JARID2: variants seen among roughly 807,000 people sequenced by gnomAD.
JARID2 encodes the protein jumonji and AT-rich interaction domain containing 2, also known as protein Jumonji.
Under a neutral mutation model 125.6 loss-of-function variants are expected in JARID2, and 21 were observed. The observed-to-expected ratio is 0.17, with a 90% CI of 0.12 to 0.24. JARID2 has a LOEUF of 0.24. Ranked by LOEUF, JARID2 falls within the 10% of genes least tolerant of loss-of-function variation. JARID2 has a pLI of 1.00. For synonymous variants in JARID2, 736 were observed against 661.6 expected (o/e 1.11, Z -1.73); for missense variants, 1,303 against 1,639.6 (o/e 0.79, Z 3.55).
At position 15,501,219 on chromosome 6, in the gene JARID2, G is replaced by A. The variant is rs369351310; in HGVS notation, c.2258G>A (p.Arg753His). 20 of 1,613,658 alleles carry A rather than the reference G, an allele frequency of 1.2e-5. No individual in the cohort carries two copies. The highest frequency in any genetic ancestry group is 4.4e-5 in the South Asian group (4 of 91,082). ...NDHHKFHPLPRFEPKNGLIHG... is the reference protein window; with the variant it reads ...NDHHKFHPLPHFEPKNGLIHG... ...CACCACAAGTTCCACCCTCTGCCCC[G>A]CTTCGAGCCCAAGAATGGGCTCATC... is the stretch of plus-strand genomic sequence containing the variant. Residue 753 changes from arginine to histidine, a missense_variant, in exon 8 of 18, where the codon CGC becomes CAC. Physicochemically the swap from Arg to His is conservative, Grantham distance 29 (BLOSUM62 0). Transcript: ENST00000341776.
chr6:15,378,354 A>G (rs111469099), intron 2 of JARID2, among the ~76,000 whole-genome samples: 1 of 152,134 alleles, frequency 6.6e-6, no homozygotes, highest in African/African-American at 2.4e-5. Context: ...AGGAGGTGAC[A>G]TATGCTGTGC....
At chr6:15,518,871 C>T (rs1771691943) in intron 17 of JARID2, among the ~76,000 whole-genome samples, 1 of 152,204 alleles carries the variant, frequency 6.6e-6, no homozygotes, top group African/African-American at 2.4e-5. Context: ...CACAAATCAC[C>T]CATGTCTGGG....
chr6:15,365,029 A>G (rs1763926656), intron 1 of JARID2, among the ~76,000 whole-genome samples: 1 of 152,236 alleles, frequency 6.6e-6, no homozygotes, highest in Non-Finnish European at 1.5e-5. Flanking sequence ...AAAAGGCATT[A>G]GTGATTAAAA....
chr6:15,480,177 C>T (rs777322149), intron 5 of JARID2, among the ~76,000 whole-genome samples: 5 of 152,008 alleles, frequency 3.3e-5, no homozygotes, highest in Admixed American at 6.6e-5. Context: ...TTGCCCCTTT[C>T]GTTTGTTTTG....
intron 5 of JARID2, among the ~76,000 whole-genome samples, chr6:15,473,643 G>A (rs1387585416): frequency 2.0e-5 from 3 of 151,540 alleles, no homozygotes; most frequent in Non-Finnish European, 4.4e-5. Context: ...TATATTTATG[G>A]GTTTTATGTA....
intron 1 of JARID2, among the ~76,000 whole-genome samples, chr6:15,280,425 A>G (rs1476558031): frequency 6.6e-6 from 1 of 152,148 alleles, no homozygotes. Context: ...CTCCTCCTGC[A>G]TTAAAAAAGA....
rs528318219 is a variant in JARID2, at chr6:15,475,758, C to T, written c.670+7040C>T. 1.7e-3 allele frequency among the ~76,000 whole-genome samples: 260 copies of T among 152,328 alleles called. 1 individual carries two copies. Among genetic ancestry groups the T allele is most frequent in the African/African-American group, 6.0e-3 (251 of 41,580 alleles). On this transcript the variant is annotated intron_variant, in intron 5 of 17. Coordinates refer to ENST00000341776, the MANE Select transcript of JARID2 (RefSeq NM_004973.4). ...ATATAGTTAGTTAAGAAGGTGAGAG[C>T]TCAGTCTTCCCTCCTCACACCTCAG...
intron 17 of JARID2, among the ~76,000 whole-genome samples, chr6:15,518,301 C>T (rs3778651): frequency 0.11 from 16,836 of 152,182 alleles, 1,143 homozygotes; most frequent in East Asian, 0.23. Flanking sequence ...TCACCAGCAG[C>T]CTGTTTCTGT....
intron 1 of JARID2, among the ~76,000 whole-genome samples, chr6:15,269,184 G>T (rs1266803148): frequency 6.6e-6 from 1 of 152,124 alleles, no homozygotes; most frequent in African/African-American, 2.4e-5. Flanking sequence ...TCTCCTCCCA[G>T]GCCTCTGTAA....
rs1014501816 is a variant in JARID2 at position 15,516,138 on chromosome 6, G to A, written c.3451-1023G>A. On this transcript the variant is annotated intron_variant, in intron 16 of 17. Coordinates refer to ENST00000341776, the MANE Select transcript of JARID2 (RefSeq NM_004973.4). The stretch of plus-strand genomic sequence containing the variant: ...TCCTGTTCTTCCTGTCCTTGGCCCC[G>A]TGTCTCTCCAAGGTCTTGTTTCTGT... Among the ~76,000 whole-genome samples, 4 of 151,990 alleles carry A rather than the reference G, an allele frequency of 2.6e-5. No individual in the cohort carries two copies. The East Asian group carries it at 5.8e-4, about 22-fold the overall frequency.
At chr6:15,315,561 G>T (rs902162113) in intron 1 of JARID2, among the ~76,000 whole-genome samples, 4 of 152,140 alleles carry the variant, frequency 2.6e-5, no homozygotes, top group African/African-American at 9.7e-5. Context: ...AAGTAGTCAC[G>T]TATCTAGAGT....
intron 3 of JARID2, 123 bp downstream of exon 3, chr6:15,410,488 A>G (rs1476234689): frequency 3.4e-6 from 3 of 883,894 alleles, no homozygotes; most frequent in African/African-American, 1.7e-5. Context: ...TAGAGGAGCC[A>G]GAATCATGAG....
intron 2 of JARID2, 123 bp downstream of exon 2, chr6:15,374,375 A>G (rs1036268223): frequency 2.2e-5 from 21 of 972,412 alleles, no homozygotes; most frequent in Non-Finnish European, 2.9e-5. Flanking sequence ...GGCAGTCTGT[A>G]GGCTAGGTGA....
At chr6:15,413,096 C>T (rs1413978432) in intron 3 of JARID2, among the ~76,000 whole-genome samples, 4 of 144,586 alleles carry the variant, frequency 2.8e-5, no homozygotes, top group East Asian at 2.1e-4. Flanking sequence ...CTCGGCTCAC[C>T]GCAACCTCTG....
chr6:15,470,779 C>T lies in JARID2; in HGVS notation c.670+2061C>T, dbSNP rs532834278. ...GAATTGGAATGCAGGTATTAGTGTA[C>T]GGATGTAATTTCTAAGGAGGAAGAA... is the stretch of plus-strand genomic sequence containing the variant. On this transcript the variant is annotated intron_variant, in intron 5 of 17. Coordinates refer to ENST00000341776, the MANE Select transcript of JARID2 (RefSeq NM_004973.4). 6.6e-5 allele frequency among the ~76,000 whole-genome samples: 10 copies of T among 152,240 alleles called. No individual in the cohort carries two copies. In the East Asian group the frequency reaches 9.7e-4, roughly 15 times the overall value.
At chr6:15,504,444 T>C in intron 8 of JARID2, 56 bp from the exon 9 acceptor site, 1 of 1,340,084 alleles carries the variant, frequency 7.5e-7, no homozygotes. Context: ...CTGGCCTCAT[T>C]TGCAGTAGGG....
intron 1 of JARID2, among the ~76,000 whole-genome samples, chr6:15,264,860 TA>T (rs1760024867): frequency 6.6e-6 from 1 of 152,212 alleles, no homozygotes; most frequent in African/African-American, 2.4e-5. Context: ...AGAACTGCCC[TA>T]TAATGTAATG....
intron 5 of JARID2, among the ~76,000 whole-genome samples, chr6:15,469,253 T>C (rs1768900620): frequency 6.7e-6 from 1 of 148,318 alleles, no homozygotes; most frequent in African/African-American, 2.5e-5. Flanking sequence ...AAGTGCCTAG[T>C]GGTCTTTTCT....
chr6:15,332,921 TTTTC>T (rs2127457914), intron 1 of JARID2, among the ~76,000 whole-genome samples: 1 of 43,662 alleles, frequency 2.3e-5, no homozygotes, highest in Non-Finnish European at 4.2e-5. Context: ...TTACCCTTTC[TTTTC>T]TTTTCTTTTC....
Sources: gnomAD v4.1 joint callset for allele counts (sites outside exome capture counted in the v4.1 genomes callset) on GRCh38, gnomAD v4.1.1 for gene constraint, MANE v1.5 for transcripts, NCBI Gene and HGNC (gene_info 2026-07-23, HGNC 2026-07-21) for gene names.